SYNGR3: variants seen among roughly 807,000 people sequenced by gnomAD.
SYNGR3 encodes synaptogyrin-3.
Under a neutral mutation model 18.5 loss-of-function variants are expected in SYNGR3, and 10 were observed. The ratio of observed to expected loss-of-function variants is 0.54; its 90% confidence interval spans 0.33 to 0.92. The LOEUF is 0.92. SYNGR3 is among the 40% of genes least tolerant of loss of function. SYNGR3 has a pLI of 0.02. For synonymous variants in SYNGR3, 188 were observed against 157.2 expected, an observed-to-expected ratio of 1.20 and a Z score of -1.47; for missense variants, 335 against 332.8, an observed-to-expected ratio of 1.01 and a Z score of -0.05.
At position 1,992,645 on chromosome 16, in the gene SYNGR3, C is replaced by T. The variant is rs1484415799; in HGVS notation, c.347C>T (p.Ser116Phe). The T allele has an allele frequency of 1.2e-6, 2 of 1,605,700 alleles. No homozygotes were observed. The highest frequency in any genetic ancestry group is 2.2e-5 in the South Asian group (2 of 90,888). ...GCCGCACTGTTCGCAGGACTCTGGT[C>T]CTTCCTGTGGTTCGTGGGCTTCTGC... ...LLDLGFSGLWSFLWFVGFCFL... is the reference protein window; with the variant it reads ...LLDLGFSGLWFFLWFVGFCFL... The change falls in exon 3 of 4, where the codon TCC (serine) becomes TTC (phenylalanine). Residue 116 changes from serine (S) to phenylalanine (F), a missense_variant. Coordinates refer to ENST00000248121, the MANE Select transcript of SYNGR3 (RefSeq NM_004209.6).
rs752513145 is a variant in SYNGR3 at position 1,992,922 on chromosome 16, C to T, written c.540C>T (p.Phe180=). ...GCCTGGGCACCGACATGTCACTCTT[C>T]GCCACCGAACAGCTGAGCACCGGGG... ...RFRLGTDMSL[F]ATEQLSTGAS... is the part of the protein sequence containing the mutation. The change falls in exon 4 of 4, where the codon TTC becomes TTT. Residue 180 remains phenylalanine, a synonymous_variant. Coordinates refer to ENST00000248121, the MANE Select transcript of SYNGR3 (RefSeq NM_004209.6). The T allele has an allele frequency of 5.6e-6, 9 of 1,609,602 alleles. No individual in the cohort carries two copies. Among genetic ancestry groups the T allele is most frequent in the Non-Finnish European group, 7.6e-6 (9 of 1,178,362 alleles).
intron 2 of SYNGR3, 138 bp downstream of exon 2, chr16:1,992,349 C>T (rs534935436): frequency 6.8e-4 from 163 of 240,726 alleles, no homozygotes; most frequent in African/African-American, 3.3e-3. Flanking sequence ...CAGGGAGTGT[C>T]AATGGGCCTC....
intron 1 of SYNGR3, 81 bp from the exon 2 acceptor site, chr16:1,991,893 C>T: frequency 1.6e-6 from 2 of 1,255,720 alleles, no homozygotes; most frequent in Non-Finnish European, 2.2e-6. Context: ...AACGCAGGGA[C>T]AGGCCCAGGG....
Position 1,990,016 on chromosome 16 carries a change from C to A in SYNGR3, c.-87C>A. On this transcript the variant is annotated 5_prime_UTR_variant, in exon 1 of 4. Coordinates refer to ENST00000248121, the MANE Select transcript of SYNGR3 (RefSeq NM_004209.6). ...TTGGTAGCATCAGCATCAGCATCAG[C>A]GGCAGCGGCAGCGGCCTCGGGCGGG... is the stretch of plus-strand genomic sequence containing the variant. 2.4e-6 allele frequency: 1 copy of A among 409,472 alleles called. No homozygotes were observed. The highest frequency in any genetic ancestry group is 3.7e-6 in the Non-Finnish European group (1 of 267,706). 25.4% of individuals were successfully genotyped at this position (409,472 alleles called of 1,614,324 possible). A position where few individuals can be genotyped will look rare whatever the true frequency, so the allele number is the denominator to read the frequency against.
In SYNGR3 at chr16:1,992,126, C is replaced by T. The variant is rs201637109; in HGVS notation, c.252C>T (p.Ala84=). ...LGLGAFLACA[A]FLLLDVRFQQ... Reference sequence around the variant, plus strand: ...TCGGAGCCTTCCTCGCCTGCGCCGCCTTCCTGCTGCTCGATGTGCGCTTCC... The same window carrying T: ...TCGGAGCCTTCCTCGCCTGCGCCGCTTTCCTGCTGCTCGATGTGCGCTTCC... Residue 84 remains alanine (A), a synonymous_variant, in exon 2 of 4, where the codon GCC becomes GCT. Transcript: ENST00000248121. 41 of 1,545,580 alleles carry T rather than the reference C, an allele frequency of 2.7e-5. No homozygotes were observed. In the African/African-American group the frequency reaches 5.4e-4, roughly 20 times the overall value.
rs1339137708 is a variant in SYNGR3 at position 1,992,559 on chromosome 16, C to A, written c.338-77C>A. On this transcript the variant is annotated intron_variant, in intron 2 of 3. Coordinates refer to ENST00000248121, the MANE Select transcript of SYNGR3 (RefSeq NM_004209.6). ...GAGGCGCCCCAAGCCTCGGGCCCAC[C>A]GACCTTTCCTCCTCCGGGCGAGGCC... 5.9e-6 allele frequency: 9 copies of A among 1,519,774 alleles called. No individual in the cohort carries two copies. The African/African-American group carries it at 1.0e-4, about 17-fold the overall frequency. The allele number at this position is 1,519,774 out of a possible 1,614,324, so 94.1% of individuals were successfully genotyped here. A position where few individuals can be genotyped will look rare whatever the true frequency, so the allele number is the denominator to read the frequency against.
rs1459597750 is a variant in SYNGR3 at position 1,992,165 on chromosome 16, C to T, written c.291C>T (p.Ser97=). The T allele has an allele frequency of 6.8e-7, 1 of 1,462,128 alleles. No homozygotes were observed. Among genetic ancestry groups the T allele is most frequent in the East Asian group, 2.8e-5 (1 of 35,260 alleles). 90.6% of individuals were successfully genotyped at this position (1,462,128 alleles called of 1,614,324 possible). Residue 97 remains serine, a synonymous_variant, in exon 2 of 4, where the codon AGC becomes AGT. Transcript: ENST00000248121. ...LLDVRFQQIS[S]VRDRRRAVLL... ...ATGTGCGCTTCCAGCAAATCAGCAG[C>T]GTCCGCGACCGCCGGCGCGCGGTGT...
intron 2 of SYNGR3, 74 bp from the exon 3 acceptor site, chr16:1,992,562 C>G (rs2083609866): frequency 8.5e-6 from 13 of 1,532,578 alleles, no homozygotes; most frequent in Admixed American, 4.0e-5. Context: ...GGCCCACCGA[C>G]CTTTCCTCCT....
At chr16:1,990,307 G>A (rs1171461875) in intron 1 of SYNGR3, 106 bp downstream of exon 1, 1 of 286,406 alleles carries the variant, frequency 3.5e-6, no homozygotes, top group Non-Finnish European at 4.8e-6. Flanking sequence ...CTCGCCCCCC[G>A]ACCTCACTCA....
At chr16:1,990,397 G>A (rs2083596563) in intron 1 of SYNGR3, 196 bp downstream of exon 1, 3 of 448,518 alleles carry the variant, frequency 6.7e-6, no homozygotes, top group South Asian at 2.9e-5. Flanking sequence ...ACCTGCGGGC[G>A]GAGGAGGGGC....
chr16:1,993,128 G>A lies in SYNGR3; in HGVS notation c.*56G>A, dbSNP rs2083614215. 3.2e-6 allele frequency: 5 copies of A among 1,552,844 alleles called. No homozygotes were observed. The highest frequency in any genetic ancestry group is 4.4e-6 in the Non-Finnish European group (5 of 1,148,488). On this transcript the variant is annotated 3_prime_UTR_variant, in exon 4 of 4. Transcript: ENST00000248121. Reference sequence around the variant, plus strand: ...GCCACCCCACCAACGCAGGCCCCAGGGTCTCCGGGACCTCCCTTGGGTCCT... The same window carrying A: ...GCCACCCCACCAACGCAGGCCCCAGAGTCTCCGGGACCTCCCTTGGGTCCT...
In SYNGR3 at chr16:1,992,934, G is replaced by A. The variant is rs765319455; in HGVS notation, c.552G>A (p.Gln184=). Residue 184 remains glutamine (Q), a synonymous_variant, in exon 4 of 4, where the codon CAG becomes CAA. Coordinates refer to ENST00000248121, the MANE Select transcript of SYNGR3 (RefSeq NM_004209.6). ...GTDMSLFATE[Q]LSTGASQAYP... is the part of the protein sequence containing the mutation. ...ACATGTCACTCTTCGCCACCGAACA[G>A]CTGAGCACCGGGGCGAGCCAGGCCT... The A allele has an allele frequency of 1.6e-5, 25 of 1,610,956 alleles. No homozygotes were observed. The highest frequency in any genetic ancestry group is 2.0e-5 in the Non-Finnish European group (23 of 1,179,330).
intron 1 of SYNGR3, chr16:1,991,280 G>A (rs886466177): frequency 6.6e-6 from 1 of 152,374 alleles, no homozygotes; most frequent in Non-Finnish European, 1.5e-5. Context: ...CAGTCACGTG[G>A]GGGCTGTCAT....
chr16:1,992,605 G>A, intron 2 of SYNGR3, 31 bp from the exon 3 acceptor site: 1 of 1,580,366 alleles, frequency 6.3e-7, no homozygotes, highest in South Asian at 1.1e-5. Context: ...ACCGCGTGGA[G>A]CGTCGCCCTG....
chr16:1,993,348 G>T lies in SYNGR3; in HGVS notation c.*276G>T. ...CCTAGCCTGGAATGGACTGGCCTGG[G>T]GAAGGCTTTCCCCTCTTGGGCCACA... On this transcript the variant is annotated 3_prime_UTR_variant, in exon 4 of 4. Transcript: ENST00000248121. The T allele has an allele frequency of 1.6e-6, 1 of 630,080 alleles. No individual in the cohort carries two copies. Among genetic ancestry groups the T allele is most frequent in the Non-Finnish European group, 2.9e-6 (1 of 341,870 alleles). The allele number at this position is 630,080 out of a possible 1,614,324, so 39.0% of individuals were successfully genotyped here.
intron 2 of SYNGR3, 195 bp downstream of exon 2, chr16:1,992,406 G>A: frequency 2.7e-6 from 2 of 739,998 alleles, no homozygotes; most frequent in Non-Finnish European, 4.0e-6. Flanking sequence ...AGCGCCGCGG[G>A]ACTTTCTAGG....
At chr16:1,991,586 C>G (rs1309338094) in intron 1 of SYNGR3, 2 of 202,496 alleles carry the variant, frequency 9.9e-6, no homozygotes, top group African/African-American at 4.7e-5. Flanking sequence ...CCACGCGGTG[C>G]AGAGTACCTG....
chr16:1,992,121 G>A lies in SYNGR3; in HGVS notation c.247G>A (p.Ala83Thr). ...ALGLGAFLACAAFLLLDVRFQ... is the reference protein window; with the variant it reads ...ALGLGAFLACTAFLLLDVRFQ... ...GGGCCTCGGAGCCTTCCTCGCCTGC[G>A]CCGCCTTCCTGCTGCTCGATGTGCG... Residue 83 changes from alanine (A) to threonine (T), a missense_variant, in exon 2 of 4, where the codon GCC (alanine) becomes ACC (threonine). Physicochemically the swap from Ala to Thr is moderately conservative, Grantham distance 58. Coordinates refer to ENST00000248121, the MANE Select transcript of SYNGR3 (RefSeq NM_004209.6). 6.4e-7 allele frequency: 1 copy of A among 1,550,760 alleles called. No homozygotes were observed. Among genetic ancestry groups the A allele is most frequent in the Non-Finnish European group, 8.7e-7 (1 of 1,150,640 alleles).
rs370874214 is a variant in SYNGR3, at chr16:1,992,952, C to G, written c.570C>G (p.Ser190Arg). ...FATEQLSTGASQAYPGYPVGS... is the reference protein window; with the variant it reads ...FATEQLSTGARQAYPGYPVGS... The stretch of plus-strand genomic sequence containing the variant: ...CCGAACAGCTGAGCACCGGGGCGAG[C>G]CAGGCCTACCCCGGCTATCCGGTGG... The change falls in exon 4 of 4, where the codon AGC becomes AGG. Residue 190 changes from serine (S) to arginine (R), a missense_variant. Ser to Arg is a moderately radical substitution (Grantham distance 110, BLOSUM62 -1). Transcript: ENST00000248121. The G allele has an allele frequency of 2.9e-5, 46 of 1,611,690 alleles. No homozygotes were observed. The East Asian group carries it at 7.6e-4, about 27-fold the overall frequency.
Sources: gnomAD v4.1 joint callset for allele counts on GRCh38, gnomAD v4.1.1 for gene constraint, MANE v1.5 for transcripts, NCBI Gene and HGNC (gene_info 2026-07-23, HGNC 2026-07-21) for gene names.